Variants in LRCH1 observed in about 807,000 individuals in gnomAD.
LRCH1 encodes leucine rich repeats and calponin homology domain containing 1, also known as leucine-rich repeat and calponin homology domain-containing protein 1.
LRCH1 carries 23 observed loss-of-function variants against 94.9 expected under a neutral mutation model. The observed-to-expected ratio is 0.24, with a 90% confidence interval of 0.17 to 0.34. The LOEUF is 0.34. Among genes scored for constraint, LRCH1 ranks in the 10% least tolerant of loss-of-function variants. LRCH1 has a pLI of 1.00. For synonymous variants in LRCH1, 364 were observed against 354.9 expected (o/e 1.03, Z -0.29); for missense variants, 790 against 945.9 (o/e 0.84, Z 2.16).
At chr13:46,746,902 C>T (rs1416181195), downstream of LRCH1, among the ~76,000 whole-genome samples, 1 of 152,180 alleles carries the variant, frequency 6.6e-6, no homozygotes, top group Non-Finnish European at 1.5e-5. Context: ...TGGAAGCCTC[C>T]CCTTGGCCAT....
chr13:46,653,531 C>T (rs1423600960), intron 2 of LRCH1, among the ~76,000 whole-genome samples: 1 of 151,934 alleles, frequency 6.6e-6, no homozygotes, highest in African/African-American at 2.4e-5. Context: ...AAATGTATAA[C>T]ATAAAATAGT....
intron 3 of LRCH1, among the ~76,000 whole-genome samples, chr13:46,680,663 G>C (rs2051738338): frequency 6.6e-6 from 1 of 152,244 alleles, no homozygotes; most frequent in Admixed American, 6.5e-5. Context: ...CAGTAACATG[G>C]CTGGAGTGTA....
At chr13:46,613,415 A>G (rs1292827784) in intron 1 of LRCH1, among the ~76,000 whole-genome samples, 1 of 151,956 alleles carries the variant, frequency 6.6e-6, no homozygotes, top group African/African-American at 2.4e-5. Context: ...AAGATTTTCT[A>G]AAATTGTATT....
At chr13:46,741,139 A>T (rs75888895) in intron 19 of LRCH1, among the ~76,000 whole-genome samples, 1 of 152,228 alleles carries the variant, frequency 6.6e-6, no homozygotes, top group Non-Finnish European at 1.5e-5. Context: ...GAAAAAAAAA[A>T]TTAAATGTGT....
At chr13:46,637,307 C>G (rs2051103740) in intron 1 of LRCH1, among the ~76,000 whole-genome samples, 1 of 152,184 alleles carries the variant, frequency 6.6e-6, no homozygotes, top group Admixed American at 6.5e-5. Context: ...GGCCTCCCTG[C>G]CTGCCCTAGA....
At chr13:46,580,083 A>G (rs1263304802) in intron 1 of LRCH1, among the ~76,000 whole-genome samples, 1 of 152,230 alleles carries the variant, frequency 6.6e-6, no homozygotes, top group Non-Finnish European at 1.5e-5. Flanking sequence ...TTCTAGCCCA[A>G]GACCTCTTTA....
At chr13:46,557,986 A>C (rs543384435) in intron 1 of LRCH1, among the ~76,000 whole-genome samples, 7 of 152,334 alleles carry the variant, frequency 4.6e-5, no homozygotes, top group Admixed American at 6.5e-5. Flanking sequence ...AGTGAAAGCC[A>C]TGATCGCGCC....
chr13:46,585,365 CAGG>C (rs1754468643), intron 1 of LRCH1, among the ~76,000 whole-genome samples: 2 of 152,072 alleles, frequency 1.3e-5, no homozygotes, highest in South Asian at 4.2e-4. Context: ...ATCACGAGGT[CAGG>C]AGATCAAGAC....
At chr13:46,620,089 C>T (rs1594291665) in intron 1 of LRCH1, among the ~76,000 whole-genome samples, 1 of 152,184 alleles carries the variant, frequency 6.6e-6, no homozygotes, top group Admixed American at 6.5e-5. Flanking sequence ...TGCATTTACA[C>T]GTTTCCAAAT....
intron 11 of LRCH1, among the ~76,000 whole-genome samples, chr13:46,702,052 A>G (rs930583250): frequency 3.9e-5 from 6 of 152,222 alleles, no homozygotes; most frequent in African/African-American, 1.4e-4. Context: ...GTCTTTTGCA[A>G]TTGATTTGAA....
intron 1 of LRCH1, among the ~76,000 whole-genome samples, chr13:46,595,423 A>G (rs1047414960): frequency 6.6e-6 from 1 of 152,136 alleles, no homozygotes; most frequent in African/African-American, 2.4e-5. Context: ...CATATTGCAC[A>G]CTCAGACTGG....
chr13:46,743,767 C>G lies in LRCH1; in HGVS notation c.*1919C>G. The G allele has an allele frequency of 2.0e-6, 2 of 984,078 alleles. No individual in the cohort carries two copies. The highest frequency in any genetic ancestry group is 2.4e-6 in the Non-Finnish European group (2 of 829,070). The allele number at this position is 984,078 out of a possible 1,614,324, so 61.0% of individuals were successfully genotyped here. Reference sequence around the variant, plus strand: ...AAAAGAAAACTTACTGGGTTGCCACCTTAAAATAATATCAATAAAAACTGA... The same window carrying G: ...AAAAGAAAACTTACTGGGTTGCCACGTTAAAATAATATCAATAAAAACTGA... On this transcript the variant is annotated 3_prime_UTR_variant, in exon 20 of 20. Coordinates refer to ENST00000389797, the MANE Select transcript of LRCH1 (RefSeq NM_001164211.2).
At chr13:46,740,852 T>C (rs545774826) in intron 19 of LRCH1, among the ~76,000 whole-genome samples, 4 of 152,168 alleles carry the variant, frequency 2.6e-5, no homozygotes, top group Non-Finnish European at 4.4e-5. Context: ...AGCTGAGAAA[T>C]AGGTGTTCTG....
chr13:46,607,226 A>G (rs1447084070), intron 1 of LRCH1, among the ~76,000 whole-genome samples: 1 of 152,216 alleles, frequency 6.6e-6, no homozygotes. Flanking sequence ...GATGGATACC[A>G]AATAGCCAAA....
At chr13:46,568,777 A>G (rs2050211969) in intron 1 of LRCH1, among the ~76,000 whole-genome samples, 1 of 152,194 alleles carries the variant, frequency 6.6e-6, no homozygotes, top group Non-Finnish European at 1.5e-5. Flanking sequence ...AATGGTGAGT[A>G]CATAGGTAGG....
intron 16 of LRCH1, among the ~76,000 whole-genome samples, chr13:46,720,684 C>T (rs76579310): frequency 0.013 from 2,006 of 152,020 alleles, 50 homozygotes; most frequent in African/African-American, 0.046. Flanking sequence ...GGACCCAGAC[C>T]GTTCACTGGA....
Position 46,694,968 on chromosome 13 carries a change from A to G in LRCH1, c.1196A>G (p.Gln399Arg). The change falls in exon 9 of 20, where the codon CAG becomes CGG. Residue 399 changes from glutamine to arginine, a missense_variant. Gln to Arg is a conservative substitution (Grantham distance 43, BLOSUM62 1). Coordinates refer to ENST00000389797, the MANE Select transcript of LRCH1 (RefSeq NM_001164211.2). The stretch of plus-strand genomic sequence containing the variant: ...ACCAACTCAGGAGAAGAAAGAGACC[A>G]GTTTACTGATAGAGCAGATGGTCTC... ...DSTNSGEERD[Q>R]FTDRADGLHS... 1 of 1,614,170 alleles carries G rather than the reference A, an allele frequency of 6.2e-7. No individual in the cohort carries two copies.
chr13:46,594,486 G>T (rs1255382284), intron 1 of LRCH1, among the ~76,000 whole-genome samples: 1 of 152,064 alleles, frequency 6.6e-6, no homozygotes, highest in Non-Finnish European at 1.5e-5. Context: ...TCTCCCTGCA[G>T]AAGCAAAGAG....
chr13:46,611,799 A>G (rs192032409), intron 1 of LRCH1, among the ~76,000 whole-genome samples: 4 of 152,362 alleles, frequency 2.6e-5, no homozygotes, highest in East Asian at 1.9e-4. Flanking sequence ...AAATAATGTT[A>G]TCTTCTTAAA....
Sources: gnomAD v4.1 joint callset for allele counts (sites outside exome capture counted in the v4.1 genomes callset) on GRCh38, gnomAD v4.1.1 for gene constraint, MANE v1.5 for transcripts, NCBI Gene and HGNC (gene_info 2026-07-23, HGNC 2026-07-21) for gene names.